Variants in BIRC6 observed in about 807,000 individuals in gnomAD.
The protein encoded by BIRC6 is dual E2 ubiquitin-conjugating enzyme/E3 ubiquitin-protein ligase BIRC6.
In BIRC6, 98 loss-of-function variants were observed where a neutral mutation model predicts 503.3. That is an observed-to-expected ratio of 0.19 (90% CI 0.17 to 0.23). The LOEUF is 0.23. BIRC6 is among the 10% of genes least tolerant of loss of function. BIRC6 has a pLI of 1.00. For synonymous variants in BIRC6, 2,240 were observed against 2,078.7 expected, an observed-to-expected ratio of 1.08 and a Z score of -2.11; for missense variants, 5,360 against 5,806.0, an observed-to-expected ratio of 0.92 and a Z score of 2.50.
intron 61 of BIRC6, among the ~76,000 whole-genome samples, chr2:32,536,281 G>C (rs1203787931): frequency 3.9e-5 from 6 of 152,024 alleles, no homozygotes; most frequent in Non-Finnish European, 5.9e-5. Flanking sequence ...ATGGTAGTTT[G>C]TTTTGCTGTG....
intron 1 of BIRC6, among the ~76,000 whole-genome samples, chr2:32,361,279 A>G (rs1361538931): frequency 6.6e-6 from 1 of 152,168 alleles, no homozygotes; most frequent in African/African-American, 2.4e-5. Flanking sequence ...TTGGATGCAT[A>G]TATAACAATG....
chr2:32,455,646 G>A (rs2047182784), intron 23 of BIRC6, among the ~76,000 whole-genome samples: 1 of 152,030 alleles, frequency 6.6e-6, no homozygotes. Flanking sequence ...AAGAAATTAA[G>A]TATCCTGGAT....
At chr2:32,421,660 C>G (rs973907711) in intron 10 of BIRC6, among the ~76,000 whole-genome samples, 1 of 152,084 alleles carries the variant, frequency 6.6e-6, no homozygotes, top group African/African-American at 2.4e-5. Flanking sequence ...TCTTTCTGTT[C>G]TGGATCTCAA....
intron 2 of BIRC6, chr2:32,379,639 G>T (rs12469921): frequency 2.0e-5 from 3 of 152,084 alleles, no homozygotes; most frequent in Non-Finnish European, 4.4e-5. Context: ...TAAAGTCTTA[G>T]GTTTGATTTG....
At chr2:32,600,002 A>T in intron 70 of BIRC6, 102 bp downstream of exon 70, 1 of 1,124,742 alleles carries the variant, frequency 8.9e-7, no homozygotes, top group African/African-American at 1.6e-5. Context: ...CTAAGAGGGC[A>T]TGGGTTTCTT....
chr2:32,374,305 A>G (rs1431414698), intron 1 of BIRC6, among the ~76,000 whole-genome samples: 2 of 151,818 alleles, frequency 1.3e-5, no homozygotes, highest in Non-Finnish European at 1.5e-5. Context: ...CCAGTACCAC[A>G]CTTTCTTGTG....
rs186017794 is a variant in BIRC6 at position 32,519,568 on chromosome 2, T to C, written c.11623+622T>C. Among the ~76,000 whole-genome samples the C allele has an allele frequency of 4.9e-3, 742 of 152,274 alleles. 7 individuals are homozygous for C. Among genetic ancestry groups the C allele is most frequent in the African/African-American group, 0.017 (715 of 41,542 alleles). On this transcript the variant is annotated intron_variant, in intron 57 of 73. Coordinates refer to ENST00000421745, the MANE Select transcript of BIRC6 (RefSeq NM_016252.4). ...TCTCACTCTGTCACCCAGGCTGAAGTGCAGTGGAACGATCTTGGCTCACCA... is the reference window on the plus strand; with the variant it reads ...TCTCACTCTGTCACCCAGGCTGAAGCGCAGTGGAACGATCTTGGCTCACCA...
At position 32,415,293 on chromosome 2, in the gene BIRC6, A is replaced by G. The variant is rs749782268; in HGVS notation, c.2002A>G (p.Ile668Val). ...HDDGFTVPQI[I>V]EMELDSQEQL... ...TGATGGTTTTACTGTTCCACAGATT[A>G]TTGAAATGGAGCTGGATAGTCAGGA... The change falls in exon 10 of 74, where the codon ATT becomes GTT. Residue 668 changes from isoleucine (I) to valine (V), a missense_variant. Physicochemically the swap from Ile to Val is conservative, Grantham distance 29 (BLOSUM62 3). This residue lies in a region of BIRC6 where 700 missense variants were observed against 739.3 expected (regional missense o/e 0.95). Transcript: ENST00000421745. The G allele has an allele frequency of 6.2e-7, 1 of 1,614,058 alleles. No homozygotes were observed. The highest frequency in any genetic ancestry group is 1.1e-5 in the South Asian group (1 of 91,084).
At chr2:32,452,452 C>T (rs2046828219) in intron 22 of BIRC6, among the ~76,000 whole-genome samples, 2 of 152,038 alleles carry the variant, frequency 1.3e-5, no homozygotes, top group Admixed American at 6.6e-5. Flanking sequence ...AACAAAAGCT[C>T]TTCAGGGTGC....
intron 6 of BIRC6, 139 bp downstream of exon 6, chr2:32,395,732 G>A (rs1488897808): frequency 1.5e-6 from 1 of 655,482 alleles, no homozygotes; most frequent in African/African-American, 1.8e-5. Context: ...GAATGAGCTA[G>A]CCCTGTCTAT....
intron 65 of BIRC6, among the ~76,000 whole-genome samples, chr2:32,559,408 T>C (rs756531381): frequency 2.2e-4 from 33 of 152,196 alleles, no homozygotes; most frequent in Non-Finnish European, 1.9e-4. Flanking sequence ...CAGGCGCACA[T>C]TGAATCCTGT....
chr2:32,545,984 G>C, intron 63 of BIRC6, 124 bp downstream of exon 63: 1 of 874,706 alleles, frequency 1.1e-6, no homozygotes, highest in Non-Finnish European at 1.7e-6. Context: ...CATCTAAAAG[G>C]ATATTTAAAA....
intron 27 of BIRC6, 45 bp downstream of exon 27, chr2:32,467,784 T>C: frequency 6.6e-7 from 1 of 1,513,732 alleles, no homozygotes; most frequent in East Asian, 2.4e-5. Context: ...TCTATGTTTC[T>C]GACAAGTTAT....
intron 55 of BIRC6, 55 bp from the exon 56 acceptor site, chr2:32,518,199 T>C: frequency 6.7e-7 from 1 of 1,491,190 alleles, no homozygotes; most frequent in Non-Finnish European, 9.2e-7. Flanking sequence ...TCTTTCAAAA[T>C]AAAAAGCTGC....
intron 51 of BIRC6, among the ~76,000 whole-genome samples, chr2:32,509,117 C>G (rs2054122036): frequency 6.6e-6 from 1 of 151,626 alleles, no homozygotes; most frequent in Admixed American, 6.6e-5. Flanking sequence ...TAAGACTACA[C>G]AGTTTTAGAA....
rs181799159 is a variant in BIRC6, at chr2:32,474,210, T to C, written c.6720+971T>C. 5.9e-5 allele frequency among the ~76,000 whole-genome samples: 9 copies of C among 152,270 alleles called. No homozygotes were observed. The East Asian group carries it at 1.7e-3, about 29-fold the overall frequency. ...GATTTATGGGGCTTTTTTTTAAAGGTAGACTTGGCAATACGTTTTTTATTT... is the reference window on the plus strand; with the variant it reads ...GATTTATGGGGCTTTTTTTTAAAGGCAGACTTGGCAATACGTTTTTTATTT... On this transcript the variant is annotated intron_variant, in intron 33 of 73. Transcript: ENST00000421745.
chr2:32,448,520 G>A (rs1349109928), intron 21 of BIRC6, among the ~76,000 whole-genome samples: 1 of 152,208 alleles, frequency 6.6e-6, no homozygotes, highest in Non-Finnish European at 1.5e-5. Flanking sequence ...GCGTGGCGAC[G>A]CGCGCCTGCA....
rs779565028 is a variant in BIRC6, at chr2:32,415,396, A to G, written c.2105A>G (p.Asp702Gly). The change falls in exon 10 of 74, where the codon GAT (aspartate) becomes GGT (glycine). Residue 702 changes from aspartate (D) to glycine (G), a missense_variant. Physicochemically the swap from Asp to Gly is moderately conservative, Grantham distance 94 (BLOSUM62 -1). Transcript: ENST00000421745. The part of the protein sequence containing the change: ...ADAAANLTSP[D>G]SEKWNSVFPK... ...GCAGCAGCCAACCTTACCTCTCCGG[A>G]TTCTGAGAAGTGGAACTCTGTGTTT... is the stretch of plus-strand genomic sequence containing the variant. 2 of 1,613,988 alleles carry G rather than the reference A, an allele frequency of 1.2e-6. No individual in the cohort carries two copies. Among genetic ancestry groups the G allele is most frequent in the South Asian group, 2.2e-5 (2 of 91,080 alleles).
chr2:32,478,377 C>G (rs1479956806), intron 35 of BIRC6, among the ~76,000 whole-genome samples: 2 of 151,962 alleles, frequency 1.3e-5, no homozygotes, highest in African/African-American at 4.8e-5. Flanking sequence ...GTCATGATTG[C>G]TTTTCTGTGG....
Sources: allele counts gnomAD v4.1 joint callset (sites outside exome capture counted in the v4.1 genomes callset), GRCh38; gene constraint gnomAD v4.1.1; regional missense constraint gnomAD v4.1.1; transcripts MANE v1.5; gene names NCBI Gene and HGNC (gene_info 2026-07-23, HGNC 2026-07-21).